The following KSR1 variants were observed in gnomAD, a reference collection of about 807,000 sequenced individuals.
KSR1 encodes kinase suppressor of ras 1.
KSR1 carries 35 observed loss-of-function variants against 92.9 expected under a neutral mutation model. The ratio of observed to expected loss-of-function variants is 0.38; its 90% CI spans 0.29 to 0.50. The LOEUF is 0.50. KSR1 is among the 20% of genes least tolerant of loss of function. The probability of loss-of-function intolerance (pLI) is 0.94; values close to 1 mark genes in which losing one functional copy is unlikely to be tolerated. For synonymous variants in KSR1, 467 were observed against 472.6 expected, an observed-to-expected ratio of 0.99 and a Z score of 0.15; for missense variants, 972 against 1,158.5, an observed-to-expected ratio of 0.84 and a Z score of 2.34.
intron 1 of KSR1, among the ~76,000 whole-genome samples, chr17:27,457,183 C>T (rs2019215843): frequency 6.6e-6 from 1 of 152,078 alleles, no homozygotes; most frequent in Admixed American, 6.5e-5. Context: ...GTTTGCGGGG[C>T]CGCAGGACTC....
chr17:27,481,182 GA>G (rs1017272993), intron 1 of KSR1, among the ~76,000 whole-genome samples: 9 of 152,032 alleles, frequency 5.9e-5, no homozygotes, highest in African/African-American at 2.2e-4. Context: ...TCTTAAAATA[GA>G]AATTTTATTT....
intron 17 of KSR1, chr17:27,611,276 G>A (rs574761035): frequency 1.2e-4 from 68 of 566,356 alleles, no homozygotes; most frequent in South Asian, 2.0e-4. Context: ...TCAAACCTGC[G>A]CTGTCTCAGA....
intron 1 of KSR1, among the ~76,000 whole-genome samples, chr17:27,488,287 A>G (rs16966128): frequency 0.067 from 10,199 of 152,262 alleles, 462 homozygotes; most frequent in South Asian, 0.17. Context: ...GTGTTCCACA[A>G]TCCTTTTACT....
At chr17:27,558,481 T>A (rs570366061) in intron 2 of KSR1, among the ~76,000 whole-genome samples, 14 of 152,146 alleles carry the variant, frequency 9.2e-5, no homozygotes, top group African/African-American at 3.4e-4. Context: ...CACAGTGACA[T>A]CAGGCAACTT....
chr17:27,608,785 T>C (rs1420272898), intron 15 of KSR1, among the ~76,000 whole-genome samples: 2 of 152,188 alleles, frequency 1.3e-5, no homozygotes, highest in Admixed American at 1.3e-4. Flanking sequence ...TTGTCCTGCC[T>C]GAGAGCACAG....
intron 19 of KSR1, among the ~76,000 whole-genome samples, chr17:27,619,973 C>T (rs1411226843): frequency 2.6e-5 from 4 of 152,244 alleles, no homozygotes; most frequent in African/African-American, 9.6e-5. Context: ...GCTGGGATTA[C>T]AGGCATGAGC....
At chr17:27,560,327 G>A (rs752324209) in intron 2 of KSR1, 12 of 423,190 alleles carry the variant, frequency 2.8e-5, no homozygotes, top group Admixed American at 5.4e-5. Context: ...AGTGGCAAGC[G>A]CTGCCTGAGC....
intron 1 of KSR1, among the ~76,000 whole-genome samples, chr17:27,495,030 C>T (rs959964277): frequency 2.0e-5 from 3 of 152,224 alleles, no homozygotes; most frequent in African/African-American, 7.2e-5. Flanking sequence ...GCTGGTAAGC[C>T]GGGCGGCTGG....
At chr17:27,476,544 G>A (rs866929875) in intron 1 of KSR1, among the ~76,000 whole-genome samples, 12 of 152,180 alleles carry the variant, frequency 7.9e-5, no homozygotes, top group African/African-American at 1.9e-4. Context: ...GAAGGAGACC[G>A]CAGCTGTGGG....
Position 27,550,436 on chromosome 17 carries a change from C to T in KSR1, c.232-132C>T, listed in dbSNP as rs114174723. The T allele has an allele frequency of 2.0e-3, 1,381 of 681,386 alleles. 14 individuals are homozygous for T. The African/African-American group carries it at 0.021, about 10-fold the overall frequency. 42.2% of individuals were successfully genotyped at this position (681,386 alleles called of 1,614,324 possible). On this transcript the variant is annotated intron_variant, in intron 1 of 20. Coordinates refer to ENST00000644974, the MANE Select transcript of KSR1 (RefSeq NM_001394583.1). ...ACCCTTTCCCCTCCCCTGCAAACAGCAGAGAGGAGAGCCAGCCCCTTCCCT... is the reference window on the plus strand; with the variant it reads ...ACCCTTTCCCCTCCCCTGCAAACAGTAGAGAGGAGAGCCAGCCCCTTCCCT...
At chr17:27,507,447 A>G (rs1425570616) in intron 1 of KSR1, among the ~76,000 whole-genome samples, 2 of 149,870 alleles carry the variant, frequency 1.3e-5, no homozygotes, top group South Asian at 4.2e-4. Context: ...GAAAAAATAT[A>G]TATATTTTTA....
intron 2 of KSR1, chr17:27,560,443 T>A (rs777483323): frequency 3.9e-6 from 2 of 519,088 alleles, no homozygotes; most frequent in South Asian, 2.8e-5. Context: ...GAACTGAAGA[T>A]GCAGGCGGAT....
intron 18 of KSR1, among the ~76,000 whole-genome samples, chr17:27,615,036 A>G (rs188889924): frequency 7.6e-4 from 115 of 152,278 alleles, no homozygotes; most frequent in Non-Finnish European, 1.3e-3. Flanking sequence ...GCAGCCAGTG[A>G]GTTATTAATC....
intron 1 of KSR1, among the ~76,000 whole-genome samples, chr17:27,514,834 ATC>A (rs1313792923): frequency 6.6e-6 from 1 of 152,156 alleles, no homozygotes; most frequent in Non-Finnish European, 1.5e-5. Flanking sequence ...TGGCTGCTAT[ATC>A]TCCAGGTTTC....
At position 27,584,226 on chromosome 17, in the gene KSR1, G is replaced by T. The variant is rs369292451; in HGVS notation, c.980+1121G>T. Among the ~76,000 whole-genome samples the T allele has an allele frequency of 1.7e-4, 26 of 152,288 alleles. No individual in the cohort carries two copies. In the South Asian group the frequency reaches 4.4e-3, roughly 26 times the overall value. ...CGCTTGATCTTAGCCAAAAGGCCGAGAAGCAATAAGGGCACCCTTTTTCTA... is the reference window on the plus strand; with the variant it reads ...CGCTTGATCTTAGCCAAAAGGCCGATAAGCAATAAGGGCACCCTTTTTCTA... On this transcript the variant is annotated intron_variant, in intron 4 of 20. Transcript: ENST00000644974.
chr17:27,517,401 C>T (rs1202645421), intron 1 of KSR1, among the ~76,000 whole-genome samples: 2 of 152,012 alleles, frequency 1.3e-5, no homozygotes, highest in Admixed American at 6.5e-5. Context: ...GGCGTGATCT[C>T]GGCTCACTGC....
intron 5 of KSR1, among the ~76,000 whole-genome samples, chr17:27,586,400 C>T (rs1264718739): frequency 1.3e-5 from 2 of 152,198 alleles, no homozygotes; most frequent in African/African-American, 4.8e-5. Context: ...CTATCCCGAG[C>T]TGGCTAAGGA....
At chr17:27,622,059 C>G in intron 20 of KSR1, 1 of 864,544 alleles carries the variant, frequency 1.2e-6, no homozygotes, top group South Asian at 1.4e-5. Context: ...CTCTGCTGCT[C>G]CAGTCGTCTC....
chr17:27,527,075 AG>A, intron 1 of KSR1: 1 of 433,536 alleles, frequency 2.3e-6, no homozygotes, highest in Non-Finnish European at 4.4e-6. Context: ...CAGCGCCTGC[AG>A]GTACATTGAT....
Sources: gnomAD v4.1 joint callset for allele counts (sites outside exome capture counted in the v4.1 genomes callset) on GRCh38, gnomAD v4.1.1 for gene constraint, MANE v1.5 for transcripts, NCBI Gene and HGNC (gene_info 2026-07-23, HGNC 2026-07-21) for gene names.